Variants in COG4 observed in about 807,000 individuals in gnomAD.
COG4 encodes the protein conserved oligomeric Golgi complex subunit 4.
A neutral mutation model predicts 95.1 loss-of-function variants in COG4; 65 were observed. The observed-to-expected ratio is 0.68, with a 90% confidence interval of 0.56 to 0.84. COG4 has a LOEUF of 0.84. Among genes scored for constraint, COG4 ranks in the 40% least tolerant of loss-of-function variants. COG4 has a pLI of 0.00. For synonymous variants in COG4, 421 were observed against 374.8 expected (o/e 1.12, Z -1.42); for missense variants, 1,045 against 989.1 (o/e 1.06, Z -0.76).
intron 12 of COG4, among the ~76,000 whole-genome samples, chr16:70,494,757 A>C (rs1392998035): frequency 3.3e-5 from 5 of 152,198 alleles, no homozygotes; most frequent in African/African-American, 1.2e-4. Flanking sequence ...AAAAATCACA[A>C]ACAAAATAAA....
intron 3 of COG4, among the ~76,000 whole-genome samples, chr16:70,515,024 T>C (rs1159672154): frequency 6.7e-6 from 1 of 150,236 alleles, no homozygotes; most frequent in African/African-American, 2.5e-5. Context: ...TTTTTTTTTT[T>C]TTTCTTCTTG....
Position 70,481,770 on chromosome 16 carries a change from A to G in COG4, c.2100T>C (p.Phe700=). 6.2e-7 allele frequency: 1 copy of G among 1,613,584 alleles called. No homozygotes were observed. The highest frequency in any genetic ancestry group is 8.5e-7 in the Non-Finnish European group (1 of 1,179,594). ...CATGACCCCTTTACCTTACCCGGTT[A>G]AAGGTGGATTTCAGCACCACTTTCT... The part of the protein sequence containing the change: ...ELEKVVLKST[F]NRLGGLQFDK... Residue 700 remains phenylalanine (F), a synonymous_variant, in exon 17 of 19, where the codon TTT becomes TTC. Transcript: ENST00000323786.
In COG4 at chr16:70,482,787, T is replaced by G. The variant is rs1439201838; in HGVS notation, c.1862A>C (p.Lys621Thr). The G allele has an allele frequency of 6.2e-7, 1 of 1,613,892 alleles. No homozygotes were observed. Reference protein sequence around the residue: ...GLTELNSTAIKPQVQPWINSF... With the variant: ...GLTELNSTAITPQVQPWINSF... ...GTTGATCCAAGGCTGCACCTGTGGC[T>G]TGATGGCTGTGCTGTTGAGCTCCGT... is the stretch of plus-strand genomic sequence containing the variant. Residue 621 changes from lysine to threonine, a missense_variant, in exon 15 of 19, where the codon AAG becomes ACG. Transcript: ENST00000323786.
rs1433274478 is a variant in COG4 at position 70,490,365 on chromosome 16, T to G, written c.1675A>C (p.Ser559Arg). 6.2e-7 allele frequency: 1 copy of G among 1,613,830 alleles called. No individual in the cohort carries two copies. Among genetic ancestry groups the G allele is most frequent in the African/African-American group, 1.3e-5 (1 of 74,936 alleles). The change falls in exon 13 of 19, where the codon AGT (serine) becomes CGT (arginine). Residue 559 changes from serine to arginine, a missense_variant. By Grantham distance (110) the Ser-to-Arg change is moderately radical (BLOSUM62 -1). Coordinates refer to ENST00000323786, the MANE Select transcript of COG4 (RefSeq NM_015386.3). ...LVTLNNVEVCSENISTLKKTL... is the reference protein window; with the variant it reads ...LVTLNNVEVCRENISTLKKTL... ...TTCTTCAGAGTGGAGATGTTTTCAC[T>G]GCAGACTTCCACGTTGTTCAGAGTC...
At chr16:70,486,892 A>G (rs1376548939) in intron 13 of COG4, among the ~76,000 whole-genome samples, 1 of 152,010 alleles carries the variant, frequency 6.6e-6, no homozygotes, top group Non-Finnish European at 1.5e-5. Context: ...GCTACTTGGG[A>G]GCTGAGGCAG....
chr16:70,508,654 A>G, intron 7 of COG4, 190 bp from the exon 8 acceptor site: 2 of 686,846 alleles, frequency 2.9e-6, no homozygotes, highest in South Asian at 1.5e-5. Flanking sequence ...GTTGGATGCT[A>G]ATAATACTCA....
chr16:70,510,767 CTT>C (rs766994398), intron 5 of COG4, among the ~76,000 whole-genome samples: 24 of 140,860 alleles, frequency 1.7e-4, no homozygotes, highest in Admixed American at 2.8e-4. Flanking sequence ...AGCAGGTTTC[CTT>C]TTTTTTTTTT....
chr16:70,517,970 C>T (rs1189613691), intron 2 of COG4, among the ~76,000 whole-genome samples: 2 of 151,122 alleles, frequency 1.3e-5, no homozygotes, highest in Admixed American at 6.6e-5. Context: ...CTTGCTTTGT[C>T]GCCAGGCTGG....
intron 13 of COG4, among the ~76,000 whole-genome samples, chr16:70,485,162 G>C: frequency 6.6e-6 from 1 of 151,416 alleles, no homozygotes; most frequent in Non-Finnish European, 1.5e-5. Context: ...TGGAGCCCAG[G>C]AGTTCAAGAC....
intron 13 of COG4, 28 bp downstream of exon 13, chr16:70,490,302 G>C (rs200183479): frequency 1.3e-5 from 21 of 1,583,486 alleles, no homozygotes; most frequent in Non-Finnish European, 1.7e-5. Flanking sequence ...GATGGCTGCT[G>C]ACCACTGATA....
intron 6 of COG4, among the ~76,000 whole-genome samples, 192 bp from the exon 7 acceptor site, chr16:70,509,580 C>T (rs2049655281): frequency 6.6e-6 from 1 of 152,304 alleles, no homozygotes; most frequent in Middle Eastern, 3.4e-3. Context: ...GTGCTTGGTA[C>T]ACCAGCAGGC....
At chr16:70,488,682 G>A (rs993971768) in intron 13 of COG4, among the ~76,000 whole-genome samples, 1 of 152,112 alleles carries the variant, frequency 6.6e-6, no homozygotes, top group Admixed American at 6.6e-5. Flanking sequence ...CGAGTAGCTG[G>A]GATTATGGGC....
intron 7 of COG4, chr16:70,508,725 C>T (rs1253387789): frequency 3.1e-6 from 2 of 635,536 alleles, no homozygotes; most frequent in Non-Finnish European, 5.8e-6. Flanking sequence ...TGTTTATAGT[C>T]TCCTAGTCTG....
chr16:70,489,181 A>G (rs2049193962), intron 13 of COG4, among the ~76,000 whole-genome samples: 1 of 151,960 alleles, frequency 6.6e-6, no homozygotes. Flanking sequence ...CTACATTTAT[A>G]CAGGGATTTG....
In COG4 at chr16:70,481,411, C is replaced by T. The variant is rs1323475247; in HGVS notation, c.2183G>A (p.Arg728Gln). 3.1e-6 allele frequency: 5 copies of T among 1,613,340 alleles called. No homozygotes were observed. The highest frequency in any genetic ancestry group is 1.3e-5 in the African/African-American group (1 of 75,014). The change falls in exon 18 of 19, where the codon CGA becomes CAA. Residue 728 changes from arginine (R) to glutamine (Q), a missense_variant. Physicochemically the swap from Arg to Gln is conservative, Grantham distance 43 (BLOSUM62 1). Transcript: ENST00000323786. ...CTGGGAGAGCCGGGCAAACTTGTCT[C>T]GGATGGTCCAGGTGGTCACCGTGGT... ...YLTTVTTWTI[R>Q]DKFARLSQMA... is the part of the protein sequence containing the mutation.
chr16:70,494,334 G>A (rs2049299784), intron 12 of COG4, among the ~76,000 whole-genome samples: 1 of 152,092 alleles, frequency 6.6e-6, no homozygotes, highest in East Asian at 1.9e-4. Flanking sequence ...GGATTCACTG[G>A]GTTTATTCCC....
intron 8 of COG4, among the ~76,000 whole-genome samples, chr16:70,501,907 A>G (rs565554811): frequency 6.6e-6 from 1 of 151,994 alleles, no homozygotes; most frequent in African/African-American, 2.4e-5. Flanking sequence ...CCTGGCCTCA[A>G]GTGATCCTCC....
In COG4 at chr16:70,482,499, G is replaced by C. The variant is rs180931700; in HGVS notation, c.1920+230C>G. On this transcript the variant is annotated intron_variant, in intron 15 of 18. Coordinates refer to ENST00000323786, the MANE Select transcript of COG4 (RefSeq NM_015386.3). ...GTCTATCATAGGCGGGGCAAAAAGA[G>C]CTCCAATAAGGGAATAAGTTAGGTC... 2.0e-5 allele frequency: 12 copies of C among 613,734 alleles called. No individual in the cohort carries two copies. The Admixed American group carries it at 2.2e-4, about 11-fold the overall frequency. The allele number at this position is 613,734 out of a possible 1,614,324, so 38.0% of individuals were successfully genotyped here. A position where few individuals can be genotyped will look rare whatever the true frequency, so the allele number is the denominator to read the frequency against.
intron 5 of COG4, among the ~76,000 whole-genome samples, chr16:70,510,781 T>C (rs75522157): frequency 1.3e-5 from 2 of 152,068 alleles, no homozygotes; most frequent in African/African-American, 2.4e-5. Context: ...TTTTTTTTTT[T>C]TGAAATGGAA....
Sources: gnomAD v4.1 joint callset for allele counts (sites outside exome capture counted in the v4.1 genomes callset) on GRCh38, gnomAD v4.1.1 for gene constraint, MANE v1.5 for transcripts, NCBI Gene and HGNC (gene_info 2026-07-23, HGNC 2026-07-21) for gene names.